Variants in THSD4 observed in about 807,000 individuals in gnomAD.
THSD4 encodes the protein thrombospondin type 1 domain containing 4, also known as thrombospondin type-1 domain-containing protein 4.
A neutral mutation model predicts 119.0 loss-of-function variants in THSD4; 69 were observed. That is an observed-to-expected ratio of 0.58 (90% confidence interval 0.48 to 0.71). The LOEUF is 0.71. THSD4 is among the 30% of genes least tolerant of loss of function. The pLI is 0.00. For synonymous variants in THSD4, 524 were observed against 540.4 expected (o/e 0.97, Z 0.42); for missense variants, 1,393 against 1,391.1 (o/e 1.00, Z -0.02).
At chr15:71,345,160 TG>T (rs1439823187) in intron 6 of THSD4, among the ~76,000 whole-genome samples, 3 of 138,324 alleles carry the variant, frequency 2.2e-5, no homozygotes, top group African/African-American at 8.1e-5. Flanking sequence ...CATTTCTGTA[TG>T]GTATGTTTTT....
Position 71,141,551 on chromosome 15 carries a change from T to C in THSD4, c.24T>C (p.Ser8=). 1 of 1,610,378 alleles carries C rather than the reference T, an allele frequency of 6.2e-7. No homozygotes were observed. The highest frequency in any genetic ancestry group is 8.5e-7 in the Non-Finnish European group (1 of 1,178,496). ...TCATGGTTTCCCATTTCATGGGGTC[T>C]CTCAGGTAAGTGAAGAAACTTTTTT... The part of the protein sequence containing the change: MVSHFMG[S]LSVLCFLLLL... Residue 8 remains serine (S), a synonymous_variant, in exon 2 of 18, where the codon TCT becomes TCC. Transcript: ENST00000261862.
chr15:71,234,287 C>G (rs1242072116), intron 4 of THSD4, among the ~76,000 whole-genome samples: 1 of 152,228 alleles, frequency 6.6e-6, no homozygotes, highest in Non-Finnish European at 1.5e-5. Context: ...CTGTCCTAAT[C>G]TCTGAATACT....
At chr15:71,733,951 A>ATTGTTGTTG (rs57720319) in intron 10 of THSD4, 14,159 of 140,112 alleles carry the variant, frequency 0.1, 918 homozygotes, top group Middle Eastern at 0.14. Flanking sequence ...GAAAGCCCTA[A>ATTGTTGTTG]TTGTTGTTGT....
intron 17 of THSD4, among the ~76,000 whole-genome samples, chr15:71,774,491 C>T (rs901917615): frequency 1.3e-5 from 2 of 152,022 alleles, no homozygotes; most frequent in African/African-American, 4.8e-5. Context: ...AGTGGCAACT[C>T]GTAACTTGGT....
chr15:71,166,009 A>G lies in THSD4; in HGVS notation c.99+11077A>G, dbSNP rs191898079. On this transcript the variant is annotated intron_variant, in intron 3 of 17. Transcript: ENST00000261862. ...GAGGTGAGACATCTCTAGGCCAGCT[A>G]TTGAACCAGAGGTGGCTGGGCAGCT... Among the ~76,000 whole-genome samples the G allele has an allele frequency of 1.5e-3, 224 of 152,190 alleles. 1 individual carries two copies. The highest frequency in any genetic ancestry group is 9.7e-3 in the Admixed American group (148 of 15,294).
In THSD4 at chr15:71,609,861, AAAAAAAG is replaced by A. The variant is rs1211125189; in HGVS notation, c.1153-50662_1153-50656del. 2.7e-4 allele frequency among the ~76,000 whole-genome samples: 39 copies of A among 146,186 alleles called. No individual in the cohort carries two copies. In the East Asian group the frequency reaches 6.0e-3, roughly 23 times the overall value. On this transcript the variant is annotated intron_variant, in intron 7 of 17. Coordinates refer to ENST00000261862, the MANE Select transcript of THSD4 (RefSeq NM_024817.3). ...AGCAAGACTCCGTCTCAAAAAAAAA[AAAAAAAG>A]AAAAAAAGAAAAAGAAACAACAACC...
chr15:71,395,912 G>GACACACACAC (rs148711899), intron 6 of THSD4, among the ~76,000 whole-genome samples: 27 of 109,604 alleles, frequency 2.5e-4, no homozygotes, highest in African/African-American at 1.0e-3. Flanking sequence ...GTTTTGAAGA[G>GACACACACAC]AGACACACAC....
chr15:71,338,606 G>A (rs1010058299), intron 6 of THSD4, among the ~76,000 whole-genome samples: 2 of 152,234 alleles, frequency 1.3e-5, no homozygotes, highest in Non-Finnish European at 1.5e-5. Flanking sequence ...TTACAAACAC[G>A]TGTATTCACT....
chr15:71,167,483 C>T (rs768035910), intron 3 of THSD4, among the ~76,000 whole-genome samples: 2 of 152,160 alleles, frequency 1.3e-5, no homozygotes, highest in South Asian at 2.1e-4. Context: ...TGCAAGTATA[C>T]GTGTTTTGGA....
chr15:71,112,400 G>A, upstream of THSD4: 2 of 552,936 alleles, frequency 3.6e-6, no homozygotes, highest in Non-Finnish European at 5.7e-6. Context: ...ACTGACACAT[G>A]ACAGAAGAGT....
At chr15:71,468,320 G>A (rs113353298) in intron 7 of THSD4, among the ~76,000 whole-genome samples, 2,737 of 152,254 alleles carry the variant, frequency 0.018, 48 homozygotes, top group Non-Finnish European at 0.027. Flanking sequence ...ACCCAGTCTC[G>A]GGTAGGTCTT....
At position 71,564,733 on chromosome 15, in the gene THSD4, TATA is replaced by T. The variant is rs1430031536; in HGVS notation, c.1153-95793_1153-95791del. ...ACAATATATATTGTATATTATAACA[TATA>T]ATACAATATATAGTATAACATATAA... On this transcript the variant is annotated intron_variant, in intron 7 of 17. Coordinates refer to ENST00000261862, the MANE Select transcript of THSD4 (RefSeq NM_024817.3). 4.8e-3 allele frequency among the ~76,000 whole-genome samples: 514 copies of T among 107,450 alleles called. 15 individuals are homozygous for T. The highest frequency in any genetic ancestry group is 0.018 in the African/African-American group (456 of 25,340). 70.5% of individuals were successfully genotyped at this position (107,450 alleles called of 152,430 possible). A position where few individuals can be genotyped will look rare whatever the true frequency, so the allele number is the denominator to read the frequency against.
At chr15:71,575,568 T>C (rs925093489) in intron 7 of THSD4, among the ~76,000 whole-genome samples, 20 of 152,118 alleles carry the variant, frequency 1.3e-4, no homozygotes, top group Non-Finnish European at 1.3e-4. Context: ...CTTTAATAAG[T>C]TGTGTTTGAA....
intron 7 of THSD4, among the ~76,000 whole-genome samples, chr15:71,537,750 A>G (rs540276319): frequency 2.0e-5 from 3 of 151,608 alleles, no homozygotes; most frequent in African/African-American, 7.3e-5. Flanking sequence ...CTTTAAAAAA[A>G]TTTTTTTTTA....
At chr15:71,347,325 G>T (rs1240067012) in intron 6 of THSD4, among the ~76,000 whole-genome samples, 1 of 151,998 alleles carries the variant, frequency 6.6e-6, no homozygotes, top group African/African-American at 2.4e-5. Context: ...CTATGTAGAT[G>T]CCCAGTTAGC....
At chr15:71,696,501 G>A (rs1474030835) in intron 8 of THSD4, among the ~76,000 whole-genome samples, 2 of 152,090 alleles carry the variant, frequency 1.3e-5, no homozygotes, top group African/African-American at 4.8e-5. Context: ...ACACATTCAG[G>A]ATCACATTTC....
At chr15:71,099,466 A>T (rs1038525754) in intron 1 of THSD4, among the ~76,000 whole-genome samples, 5 of 152,132 alleles carry the variant, frequency 3.3e-5, no homozygotes, top group African/African-American at 4.8e-5. Context: ...GTATACATAC[A>T]TTTAGGATTG....
intron 8 of THSD4, among the ~76,000 whole-genome samples, chr15:71,679,078 C>A (rs551053120): frequency 6.6e-6 from 1 of 152,274 alleles, no homozygotes; most frequent in Non-Finnish European, 1.5e-5. Context: ...CAATGGATAT[C>A]TGTAAGCACC....
At chr15:71,352,068 C>G (rs1261193030) in intron 6 of THSD4, among the ~76,000 whole-genome samples, 1 of 152,136 alleles carries the variant, frequency 6.6e-6, no homozygotes, top group African/African-American at 2.4e-5. Context: ...CAAAGTGAGC[C>G]TTTTAATTAA....
Sources: gnomAD v4.1 joint callset for allele counts (sites outside exome capture counted in the v4.1 genomes callset) on GRCh38, gnomAD v4.1.1 for gene constraint, MANE v1.5 for transcripts, NCBI Gene and HGNC (gene_info 2026-07-23, HGNC 2026-07-21) for gene names.